Variants in FBXL17 observed in about 807,000 individuals in gnomAD.
FBXL17 encodes F-box/LRR-repeat protein 17.
FBXL17 carries 22 observed loss-of-function variants against 66.2 expected under a neutral mutation model. The observed-to-expected ratio is 0.33, with a 90% CI of 0.24 to 0.47. The LOEUF is 0.47. Ranked by LOEUF, FBXL17 falls within the 20% of genes least tolerant of loss-of-function variation. FBXL17 has a pLI of 1.00. For synonymous variants in FBXL17, 474 were observed against 400.5 expected (o/e 1.18, Z -2.19); for missense variants, 878 against 948.2 (o/e 0.93, Z 0.97).
chr5:108,300,978 G>T (rs540046301), intron 4 of FBXL17, among the ~76,000 whole-genome samples: 1 of 151,764 alleles, frequency 6.6e-6, no homozygotes, highest in African/African-American at 2.4e-5. Flanking sequence ...AGATCACAGA[G>T]AATAAAATAT....
chr5:107,975,559 T>C (rs999572328), intron 7 of FBXL17, among the ~76,000 whole-genome samples: 1 of 152,178 alleles, frequency 6.6e-6, no homozygotes, highest in Non-Finnish European at 1.5e-5. Context: ...AATGTGTTTT[T>C]TAAAATGTGT....
intron 7 of FBXL17, among the ~76,000 whole-genome samples, chr5:107,946,926 T>C (rs1031515892): frequency 1.3e-5 from 2 of 152,150 alleles, no homozygotes; most frequent in Non-Finnish European, 2.9e-5. Context: ...GGTGATTTTT[T>C]TTTCATATAC....
At position 108,109,501 on chromosome 5, in the gene FBXL17, T is replaced by C. The variant is rs972800894; in HGVS notation, c.1745+76616A>G. Among the ~76,000 whole-genome samples, 15 of 152,336 alleles carry C rather than the reference T, an allele frequency of 9.8e-5. No homozygotes were observed. In the East Asian group the frequency reaches 1.7e-3, roughly 18 times the overall value. ...TATTGACTGACTTTTTCATCAAACC[T>C]AGCATAAAAAATATACAGGTTTACC... On this transcript the variant is annotated intron_variant, in intron 6 of 8. Transcript: ENST00000542267.
At chr5:108,021,782 A>G (rs1033225561) in intron 6 of FBXL17, among the ~76,000 whole-genome samples, 2 of 151,884 alleles carry the variant, frequency 1.3e-5, no homozygotes, top group African/African-American at 4.8e-5. Flanking sequence ...TATCAGAAAA[A>G]TTTGTGTAGT....
chr5:107,879,118 C>T, intron 8 of FBXL17: 1 of 985,470 alleles, frequency 1.0e-6, no homozygotes. Context: ...TAACATTCTC[C>T]TGTAGTAACT....
At chr5:107,962,701 T>C (rs901448891) in intron 7 of FBXL17, among the ~76,000 whole-genome samples, 1 of 151,880 alleles carries the variant, frequency 6.6e-6, no homozygotes, top group Non-Finnish European at 1.5e-5. Context: ...AATGAACAAA[T>C]CTGATTTCAT....
intron 6 of FBXL17, among the ~76,000 whole-genome samples, chr5:108,096,448 G>C (rs942762602): frequency 6.6e-6 from 1 of 152,140 alleles, no homozygotes; most frequent in Non-Finnish European, 1.5e-5. Flanking sequence ...TATGGAAGAT[G>C]CCCCAAAAGA....
At chr5:108,081,608 A>G (rs1385589712) in intron 6 of FBXL17, among the ~76,000 whole-genome samples, 3 of 152,082 alleles carry the variant, frequency 2.0e-5, no homozygotes, top group Non-Finnish European at 2.9e-5. Context: ...CTGTAGTCCC[A>G]GCTACTCGGG....
intron 7 of FBXL17, among the ~76,000 whole-genome samples, chr5:108,003,505 GAAAGA>G (rs1161389765): frequency 1.3e-5 from 2 of 152,012 alleles, no homozygotes; most frequent in African/African-American, 4.8e-5. Context: ...GAAAAAAGAA[GAAAGA>G]AAAGAATAAA....
chr5:108,213,461 C>T (rs1754464003), intron 5 of FBXL17, among the ~76,000 whole-genome samples: 3 of 152,200 alleles, frequency 2.0e-5, no homozygotes, highest in Admixed American at 1.3e-4. Flanking sequence ...TTGCAGATTG[C>T]AAAGACCATG....
At chr5:108,107,217 A>C (rs1187268688) in intron 6 of FBXL17, among the ~76,000 whole-genome samples, 1 of 151,968 alleles carries the variant, frequency 6.6e-6, no homozygotes, top group Non-Finnish European at 1.5e-5. Flanking sequence ...GATTACAGGC[A>C]TGTGCCACCA....
chr5:108,329,400 TA>T lies in FBXL17; in HGVS notation c.1506+18998del, dbSNP rs547589097. Reference sequence around the variant, plus strand: ...ATCTTAATAAAAGAAAACAACTGCTTAAAGTCTAGCTTTCCCTAGTATTAAG... The same window carrying T: ...ATCTTAATAAAAGAAAACAACTGCTTAAGTCTAGCTTTCCCTAGTATTAAG... On this transcript the variant is annotated intron_variant, in intron 4 of 8. Transcript: ENST00000542267. Among the ~76,000 whole-genome samples, 27 of 152,248 alleles carry T rather than the reference TA, an allele frequency of 1.8e-4. No homozygotes were observed. In the South Asian group the frequency reaches 5.4e-3, roughly 30 times the overall value.
At position 108,292,564 on chromosome 5, in the gene FBXL17, C is replaced by T. The variant is rs560592665; in HGVS notation, c.1506+55835G>A. On this transcript the variant is annotated intron_variant, in intron 4 of 8. Transcript: ENST00000542267. ...AATCCCTTCTTTATTTTCTATTTTC[C>T]ACCTGGAAATATTCTTCAAATCTTT... Among the ~76,000 whole-genome samples, 14 of 152,164 alleles carry T rather than the reference C, an allele frequency of 9.2e-5. No homozygotes were observed. In the South Asian group the frequency reaches 1.7e-3, roughly 18 times the overall value.
At chr5:108,323,336 A>T (rs1306428199) in intron 4 of FBXL17, among the ~76,000 whole-genome samples, 5 of 151,894 alleles carry the variant, frequency 3.3e-5, no homozygotes, top group African/African-American at 1.2e-4. Context: ...AGAAATTAAG[A>T]GAACTATTCA....
In FBXL17 at chr5:107,941,708, C is replaced by T. The variant is rs1388592091; in HGVS notation, c.1823-60529G>A. ...TAGAGATATAGAAAGAGAAACTCTT[C>T]ACTGTCTTCAAGTTAGCACTCACAT... On this transcript the variant is annotated intron_variant, in intron 7 of 8. Coordinates refer to ENST00000542267, the MANE Select transcript of FBXL17 (RefSeq NM_001163315.3). Among the ~76,000 whole-genome samples, 3 of 152,136 alleles carry T rather than the reference C, an allele frequency of 2.0e-5. No individual in the cohort carries two copies. In the East Asian group the frequency reaches 5.8e-4, roughly 29 times the overall value.
At chr5:108,287,366 ATC>A (rs1333281470) in intron 4 of FBXL17, among the ~76,000 whole-genome samples, 4 of 152,144 alleles carry the variant, frequency 2.6e-5, no homozygotes, top group African/African-American at 9.6e-5. Context: ...CAAACTATGC[ATC>A]TGACAAAGGT....
intron 6 of FBXL17, among the ~76,000 whole-genome samples, chr5:108,033,164 T>C (rs1280672675): frequency 6.6e-6 from 1 of 152,180 alleles, no homozygotes; most frequent in Non-Finnish European, 1.5e-5. Flanking sequence ...ATTCTATAAT[T>C]AACATTTTGC....
chr5:108,101,092 A>G (rs1486555237), intron 6 of FBXL17, among the ~76,000 whole-genome samples: 1 of 152,186 alleles, frequency 6.6e-6, no homozygotes, highest in Non-Finnish European at 1.5e-5. Flanking sequence ...AATTTCAGAG[A>G]GCTCCCAAAT....
intron 7 of FBXL17, among the ~76,000 whole-genome samples, chr5:108,020,143 A>G (rs1202892405): frequency 6.6e-6 from 1 of 151,960 alleles, no homozygotes; most frequent in Non-Finnish European, 1.5e-5. Context: ...GGTAGAAAGA[A>G]TATTCTCAAA....
Sources: allele counts gnomAD v4.1 joint callset (sites outside exome capture counted in the v4.1 genomes callset), GRCh38; gene constraint gnomAD v4.1.1; transcripts MANE v1.5; gene names NCBI Gene and HGNC (gene_info 2026-07-23, HGNC 2026-07-21).